Variants in DPP10 observed in about 807,000 individuals in gnomAD.
DPP10 encodes the protein dipeptidyl peptidase like 10.
DPP10 carries 33 observed loss-of-function variants against 120.9 expected under a neutral mutation model. That is an observed-to-expected ratio of 0.27 (90% confidence interval 0.21 to 0.37). The LOEUF is 0.37. DPP10 is among the 10% of genes least tolerant of loss of function. The pLI, the probability that DPP10 is intolerant of heterozygous loss-of-function variation, is 1.00. For missense variants in DPP10, 816 were observed against 942.8 expected (o/e 0.87, Z 1.76); for synonymous variants, 337 against 326.1 (o/e 1.03, Z -0.36).
chr2:115,381,681 G>A (rs984032894), intron 3 of DPP10, among the ~76,000 whole-genome samples: 2 of 152,258 alleles, frequency 1.3e-5, no homozygotes, highest in African/African-American at 2.4e-5. Flanking sequence ...CATCTTTGTG[G>A]TTTTATCTAC....
chr2:115,717,319 C>T (rs905835520), intron 7 of DPP10, among the ~76,000 whole-genome samples: 2 of 152,108 alleles, frequency 1.3e-5, no homozygotes, highest in Admixed American at 1.3e-4. Context: ...ACCAACATGG[C>T]ACATGTATAC....
intron 5 of DPP10, among the ~76,000 whole-genome samples, chr2:115,639,277 T>G (rs972617247): frequency 3.3e-5 from 5 of 152,242 alleles, no homozygotes; most frequent in African/African-American, 1.2e-4. Flanking sequence ...TTCTGGCCAA[T>G]TCTAATGTAG....
chr2:115,606,412 A>G (rs1575318326), intron 5 of DPP10, among the ~76,000 whole-genome samples: 1 of 152,322 alleles, frequency 6.6e-6, no homozygotes, highest in East Asian at 1.9e-4. Context: ...AAATATAAGT[A>G]GATGAAAATG....
intron 1 of DPP10, among the ~76,000 whole-genome samples, chr2:114,945,799 C>A (rs200139909): frequency 6.6e-6 from 1 of 151,894 alleles, no homozygotes; most frequent in African/African-American, 2.4e-5. Context: ...CTGGGCAACA[C>A]GAGGGAAACT....
intron 3 of DPP10, among the ~76,000 whole-genome samples, chr2:115,492,559 C>T (rs543603853): frequency 6.6e-6 from 1 of 151,920 alleles, no homozygotes; most frequent in African/African-American, 2.4e-5. Flanking sequence ...GTCTATTTTT[C>T]AAGTAAATGG....
At chr2:115,817,501 G>T (rs895645703) in intron 21 of DPP10, among the ~76,000 whole-genome samples, 1 of 152,078 alleles carries the variant, frequency 6.6e-6, no homozygotes, top group Non-Finnish European at 1.5e-5. Context: ...TGCAAATCAC[G>T]ACCATCCTCT....
At chr2:114,513,375 G>GC (rs916374324) in intron 1 of DPP10, among the ~76,000 whole-genome samples, 3 of 151,982 alleles carry the variant, frequency 2.0e-5, no homozygotes, top group Admixed American at 6.6e-5. Flanking sequence ...ACAAAAATTA[G>GC]CCAAGTGTGG....
intron 1 of DPP10, among the ~76,000 whole-genome samples, chr2:114,779,562 C>T (rs1190560150): frequency 6.6e-6 from 1 of 152,096 alleles, no homozygotes; most frequent in Admixed American, 6.5e-5. Context: ...ATGGTCTAAG[C>T]TGATATCAGT....
At chr2:115,642,248 A>G (rs938415520) in intron 5 of DPP10, among the ~76,000 whole-genome samples, 1 of 152,094 alleles carries the variant, frequency 6.6e-6, no homozygotes, top group Non-Finnish European at 1.5e-5. Flanking sequence ...TGCTAGCTAC[A>G]GTGCCCAGAT....
Position 115,118,000 on chromosome 2 carries a change from G to A in DPP10, c.61-191239G>A, listed in dbSNP as rs184806796. ...AATAACCACTCACTGTAGCTTTTCGGGGATGATATTTGCCTGGCAATAACT... is the reference window on the plus strand; with the variant it reads ...AATAACCACTCACTGTAGCTTTTCGAGGATGATATTTGCCTGGCAATAACT... On this transcript the variant is annotated intron_variant, in intron 1 of 25. Coordinates refer to ENST00000410059, the MANE Select transcript of DPP10 (RefSeq NM_020868.6). 3.6e-4 allele frequency among the ~76,000 whole-genome samples: 55 copies of A among 152,216 alleles called. 1 individual carries two copies. The East Asian group carries it at 0.01, about 28-fold the overall frequency.
At chr2:115,163,687 C>T (rs985839229) in intron 1 of DPP10, among the ~76,000 whole-genome samples, 11 of 152,192 alleles carry the variant, frequency 7.2e-5, no homozygotes, top group African/African-American at 2.4e-4. Flanking sequence ...GCCGCCGAGC[C>T]TCTCTACTGC....
intron 5 of DPP10, among the ~76,000 whole-genome samples, chr2:115,539,774 C>G (rs1206410448): frequency 6.6e-6 from 1 of 150,836 alleles, no homozygotes; most frequent in Non-Finnish European, 1.5e-5. Flanking sequence ...TTTCAGAGAA[C>G]CGTAACAGTA....
rs541922186 is a variant in DPP10 at position 115,590,308 on chromosome 2, C to T, written c.441+64336C>T. 5.3e-5 allele frequency among the ~76,000 whole-genome samples: 8 copies of T among 152,076 alleles called. No homozygotes were observed. In the South Asian group the frequency reaches 1.5e-3, roughly 28 times the overall value. On this transcript the variant is annotated intron_variant, in intron 5 of 25. Coordinates refer to ENST00000410059, the MANE Select transcript of DPP10 (RefSeq NM_020868.6). ...CATTAGGTATATCTCCTAATGCTAT[C>T]CCTCCCCCTTACCCCCACCTCACGA...
At chr2:115,369,828 C>A (rs116634117) in intron 3 of DPP10, among the ~76,000 whole-genome samples, 2,501 of 152,152 alleles carry the variant, frequency 0.016, 33 homozygotes, top group Middle Eastern at 0.031. Flanking sequence ...TTTCTCTCTT[C>A]TATGATTCAA....
chr2:115,660,912 G>A (rs1021632939), intron 5 of DPP10, among the ~76,000 whole-genome samples: 1 of 151,728 alleles, frequency 6.6e-6, no homozygotes, highest in Non-Finnish European at 1.5e-5. Flanking sequence ...AGAAAATCAA[G>A]GATAACCATT....
At chr2:115,208,266 C>A (rs1398658400) in intron 1 of DPP10, among the ~76,000 whole-genome samples, 1 of 143,372 alleles carries the variant, frequency 7.0e-6, no homozygotes, top group Non-Finnish European at 1.5e-5. Context: ...ATGGCACGAT[C>A]TTGGCTCACT....
chr2:115,524,012 T>G (rs2148890524), intron 4 of DPP10, among the ~76,000 whole-genome samples: 1 of 152,310 alleles, frequency 6.6e-6, no homozygotes, highest in African/African-American at 2.4e-5. Flanking sequence ...CCCCCATACC[T>G]TAGCATTGCC....
At chr2:114,504,699 C>G (rs1683484686) in intron 1 of DPP10, among the ~76,000 whole-genome samples, 1 of 152,034 alleles carries the variant, frequency 6.6e-6, no homozygotes, top group Non-Finnish European at 1.5e-5. Flanking sequence ...TTGATATCAC[C>G]CTATTGGGGA....
At chr2:115,126,095 A>T (rs568120574) in intron 1 of DPP10, among the ~76,000 whole-genome samples, 2 of 152,188 alleles carry the variant, frequency 1.3e-5, no homozygotes, top group African/African-American at 4.8e-5. Flanking sequence ...GACAAAAATT[A>T]TATAGTACTT....
Sources: allele counts gnomAD v4.1 joint callset (sites outside exome capture counted in the v4.1 genomes callset), GRCh38; gene constraint gnomAD v4.1.1; transcripts MANE v1.5; gene names NCBI Gene and HGNC (gene_info 2026-07-23, HGNC 2026-07-21).